SPOCK3: variants seen among roughly 807,000 people sequenced by gnomAD.
SPOCK3 encodes the protein SPARC (osteonectin), cwcv and kazal like domains proteoglycan 3.
A neutral mutation model predicts 56.6 loss-of-function variants in SPOCK3; 30 were observed. That is an observed-to-expected ratio of 0.53 (90% CI 0.40 to 0.72). The LOEUF (loss-of-function observed/expected upper bound fraction) is 0.72. Among genes scored for constraint, SPOCK3 ranks in the 30% least tolerant of loss-of-function variants. The pLI is 0.00. For missense variants in SPOCK3, 527 were observed against 530.0 expected (o/e 0.99, Z 0.06); for synonymous variants, 196 against 183.3 (o/e 1.07, Z -0.56).
In SPOCK3 at chr4:166,996,842, T is replaced by C. The variant is rs576947765; in HGVS notation, c.350+3507A>G. Reference sequence around the variant, plus strand: ...TCACCTAATCATGTTATTTTTCTGATTTCAGAGGACAATTATTATTATTTA... The same window carrying C: ...TCACCTAATCATGTTATTTTTCTGACTTCAGAGGACAATTATTATTATTTA... On this transcript the variant is annotated intron_variant, in intron 4 of 10. Transcript: ENST00000357545. Among the ~76,000 whole-genome samples, 13 of 152,310 alleles carry C rather than the reference T, an allele frequency of 8.5e-5. No individual in the cohort carries two copies. The South Asian group carries it at 2.7e-3, about 32-fold the overall frequency.
At chr4:167,208,882 C>A (rs1458038664) in intron 2 of SPOCK3, among the ~76,000 whole-genome samples, 1 of 152,056 alleles carries the variant, frequency 6.6e-6, no homozygotes, top group Non-Finnish European at 1.5e-5. Flanking sequence ...ACATTAAAAT[C>A]CTGTTAACAG....
At chr4:166,855,145 T>A (rs1274412248) in intron 6 of SPOCK3, among the ~76,000 whole-genome samples, 3 of 152,158 alleles carry the variant, frequency 2.0e-5, no homozygotes, top group Admixed American at 2.0e-4. Context: ...TTGCTGTCAG[T>A]GAATTTTCAG....
intron 4 of SPOCK3, among the ~76,000 whole-genome samples, chr4:166,977,307 T>C (rs910098933): frequency 6.6e-6 from 1 of 152,098 alleles, no homozygotes; most frequent in Non-Finnish European, 1.5e-5. Context: ...AGTCAATTAA[T>C]TCAGACTTAT....
intron 5 of SPOCK3, among the ~76,000 whole-genome samples, chr4:166,899,213 G>A (rs937366608): frequency 6.6e-6 from 1 of 151,212 alleles, no homozygotes; most frequent in Non-Finnish European, 1.5e-5. Context: ...CCATTACCAC[G>A]TGACTCAATT....
intron 4 of SPOCK3, among the ~76,000 whole-genome samples, chr4:166,964,790 T>C (rs1744528289): frequency 6.6e-6 from 1 of 151,742 alleles, no homozygotes; most frequent in Non-Finnish European, 1.5e-5. Context: ...AGTCAATAAA[T>C]TGGACCTCTC....
chr4:166,743,381 T>G (rs1395089750), intron 8 of SPOCK3, among the ~76,000 whole-genome samples: 2 of 152,160 alleles, frequency 1.3e-5, no homozygotes, highest in African/African-American at 4.8e-5. Context: ...GAATAAAGAA[T>G]GAGATAGGTG....
intron 3 of SPOCK3, among the ~76,000 whole-genome samples, chr4:167,024,485 C>G (rs1751504405): frequency 6.6e-6 from 1 of 152,042 alleles, no homozygotes; most frequent in East Asian, 1.9e-4. Flanking sequence ...GTAAGAGATG[C>G]CCTGAGAGTT....
At chr4:166,902,715 T>C (rs1736188722) in intron 5 of SPOCK3, among the ~76,000 whole-genome samples, 1 of 151,722 alleles carries the variant, frequency 6.6e-6, no homozygotes, top group Non-Finnish European at 1.5e-5. Context: ...ATATAAGTTA[T>C]AGTTCATTAT....
intron 2 of SPOCK3, among the ~76,000 whole-genome samples, chr4:167,185,165 AG>A (rs1467048124): frequency 3.3e-5 from 5 of 152,338 alleles, no homozygotes; most frequent in African/African-American, 9.6e-5. Context: ...TAACAATCTT[AG>A]GTTCTTAAAC....
chr4:167,182,291 G>A (rs1731536961), intron 2 of SPOCK3, among the ~76,000 whole-genome samples: 1 of 151,584 alleles, frequency 6.6e-6, no homozygotes, highest in African/African-American at 2.4e-5. Context: ...AGAAAAGAAA[G>A]TATGCATACT....
intron 2 of SPOCK3, among the ~76,000 whole-genome samples, chr4:167,116,661 C>T (rs1333382275): frequency 9.3e-5 from 6 of 64,194 alleles, no homozygotes; most frequent in Non-Finnish European, 1.5e-4. Context: ...CACATATATA[C>T]GTATATAGTA....
intron 3 of SPOCK3, among the ~76,000 whole-genome samples, chr4:167,056,532 C>G (rs1754890251): frequency 6.6e-6 from 1 of 152,036 alleles, no homozygotes; most frequent in Non-Finnish European, 1.5e-5. Context: ...AAGTTGAAAA[C>G]TTTGAAAAAA....
chr4:167,019,895 T>C (rs1751004460), intron 3 of SPOCK3, among the ~76,000 whole-genome samples: 1 of 152,146 alleles, frequency 6.6e-6, no homozygotes, highest in Admixed American at 6.6e-5. Context: ...CTCTGTGATA[T>C]ATTTCCACTT....
chr4:166,909,882 G>A (rs558455741), intron 5 of SPOCK3, among the ~76,000 whole-genome samples: 6 of 152,194 alleles, frequency 3.9e-5, no homozygotes, highest in Non-Finnish European at 7.4e-5. Flanking sequence ...ACTCTCATAA[G>A]CAGATGTTGG....
In SPOCK3 at chr4:167,201,871, C is replaced by T. The variant is rs577974057; in HGVS notation, c.189+32114G>A. Among the ~76,000 whole-genome samples, 13 of 151,870 alleles carry T rather than the reference C, an allele frequency of 8.6e-5. No homozygotes were observed. In the South Asian group the frequency reaches 2.7e-3, roughly 31 times the overall value. The stretch of plus-strand genomic sequence containing the variant: ...GCAGACCTTTCTAGAATAAACCAAA[C>T]TGATGGTATGATTTATGTATGACTT... On this transcript the variant is annotated intron_variant, in intron 2 of 10. Coordinates refer to ENST00000357545, the MANE Select transcript of SPOCK3 (RefSeq NM_001040159.2).
intron 3 of SPOCK3, chr4:167,011,267 A>C (rs762895046): frequency 2.2e-6 from 1 of 456,120 alleles, no homozygotes; most frequent in Middle Eastern, 3.3e-4. Context: ...CAATATTCAC[A>C]TCACACAAAA....
At chr4:166,877,333 T>C (rs529283331) in intron 6 of SPOCK3, among the ~76,000 whole-genome samples, 1 of 152,312 alleles carries the variant, frequency 6.6e-6, no homozygotes, top group East Asian at 1.9e-4. Context: ...CATTCCTTGA[T>C]TATTCTTGCT....
chr4:166,880,909 A>G (rs566152451), intron 6 of SPOCK3, among the ~76,000 whole-genome samples: 1 of 152,310 alleles, frequency 6.6e-6, no homozygotes, highest in East Asian at 1.9e-4. Context: ...CATATATAAC[A>G]TTCCTCATAA....
rs369490722 is a variant in SPOCK3 at position 166,807,115 on chromosome 4, A to C, written c.590-14826T>G. 1.1e-3 allele frequency among the ~76,000 whole-genome samples: 166 copies of C among 152,192 alleles called. 1 individual carries two copies. The highest frequency in any genetic ancestry group is 3.8e-3 in the African/African-American group (156 of 41,550). On this transcript the variant is annotated intron_variant, in intron 6 of 10. Coordinates refer to ENST00000357545, the MANE Select transcript of SPOCK3 (RefSeq NM_001040159.2). ...AGGGGGAATACTTTATAGTTATATC[A>C]GATAAAAGATAAATGAGAATTCAGC... is the stretch of plus-strand genomic sequence containing the variant.
Sources: gnomAD v4.1 joint callset for allele counts (sites outside exome capture counted in the v4.1 genomes callset) on GRCh38, gnomAD v4.1.1 for gene constraint, MANE v1.5 for transcripts, NCBI Gene and HGNC (gene_info 2026-07-23, HGNC 2026-07-21) for gene names.